The following KDM4C variants were observed in gnomAD, a reference collection of about 807,000 sequenced individuals.
KDM4C encodes the protein lysine-specific demethylase 4C.
Under a neutral mutation model 129.3 loss-of-function variants are expected in KDM4C, and 81 were observed. The ratio of observed to expected loss-of-function variants is 0.63; its 90% CI spans 0.52 to 0.75. The LOEUF (loss-of-function observed/expected upper bound fraction) is 0.75, where lower values mean the gene tolerates loss of function less well. KDM4C is among the 30% of genes least tolerant of loss of function. The probability of loss-of-function intolerance (pLI) is 0.00; values close to 1 mark genes in which losing one functional copy is unlikely to be tolerated. For synonymous variants in KDM4C, 573 were observed against 456.1 expected, an observed-to-expected ratio of 1.26 and a Z score of -3.26; for missense variants, 1,457 against 1,304.0, an observed-to-expected ratio of 1.12 and a Z score of -1.81.
chr9:6,998,247 G>A (rs1195015772), intron 12 of KDM4C, among the ~76,000 whole-genome samples: 1 of 152,116 alleles, frequency 6.6e-6, no homozygotes, highest in Non-Finnish European at 1.5e-5. Context: ...TTCTTGGGAC[G>A]TCTGTATATA....
At chr9:6,865,494 A>G (rs1284977758) in intron 5 of KDM4C, among the ~76,000 whole-genome samples, 1 of 151,936 alleles carries the variant, frequency 6.6e-6, no homozygotes, top group African/African-American at 2.4e-5. Context: ...CCTGTTTGCT[A>G]TTGTTTCTTG....
At chr9:6,851,762 T>C (rs1004730019) in intron 5 of KDM4C, among the ~76,000 whole-genome samples, 1 of 152,220 alleles carries the variant, frequency 6.6e-6, no homozygotes, top group Non-Finnish European at 1.5e-5. Context: ...GTTGATGTTG[T>C]CTCCTAATGA....
chr9:7,121,224 A>C (rs544837942), intron 18 of KDM4C, among the ~76,000 whole-genome samples: 247 of 152,236 alleles, frequency 1.6e-3, no homozygotes, highest in African/African-American at 5.8e-3. Context: ...TTCTGGTCTA[A>C]GCTATGCTGC....
chr9:7,165,447 C>T (rs776024908), intron 20 of KDM4C, 90 bp downstream of exon 20: 32 of 1,428,646 alleles, frequency 2.2e-5, no homozygotes, highest in Non-Finnish European at 3.0e-5. Flanking sequence ...GAACAATAAG[C>T]CACATGAATT....
chr9:6,805,570 G>A, intron 2 of KDM4C, 29 bp from the exon 3 acceptor site: 1 of 1,521,546 alleles, frequency 6.6e-7, no homozygotes, highest in South Asian at 1.2e-5. Context: ...TTTTCAAGAT[G>A]ATATTTTATT....
chr9:7,019,298 A>G lies in KDM4C; in HGVS notation c.2259+3369A>G, dbSNP rs1185958302. 2.0e-5 allele frequency among the ~76,000 whole-genome samples: 3 copies of G among 152,164 alleles called. No individual in the cohort carries two copies. The East Asian group carries it at 5.8e-4, about 29-fold the overall frequency. ...TGACTTCTTCAGCAATCAATCTCAT[A>G]TCTTCAGTTTTACACTCCAGAGGAG... On this transcript the variant is annotated intron_variant, in intron 15 of 21. Coordinates refer to ENST00000381309, the MANE Select transcript of KDM4C (RefSeq NM_015061.6).
At chr9:6,967,770 A>G (rs961101228) in intron 8 of KDM4C, among the ~76,000 whole-genome samples, 2 of 152,198 alleles carry the variant, frequency 1.3e-5, no homozygotes, top group African/African-American at 4.8e-5. Flanking sequence ...AAGATCCGGG[A>G]TGATACACAT....
At chr9:6,913,936 A>C (rs1819811629) in intron 8 of KDM4C, among the ~76,000 whole-genome samples, 1 of 152,238 alleles carries the variant, frequency 6.6e-6, no homozygotes, top group South Asian at 2.1e-4. Flanking sequence ...GCTAACAGTC[A>C]GGGTTTAAGC....
intron 2 of KDM4C, among the ~76,000 whole-genome samples, chr9:6,803,776 C>T (rs1829455369): frequency 6.6e-6 from 1 of 151,378 alleles, no homozygotes; most frequent in African/African-American, 2.4e-5. Context: ...AAGAAAAGTT[C>T]CAGCAATAGA....
At chr9:6,946,441 G>A (rs1279229918) in intron 8 of KDM4C, among the ~76,000 whole-genome samples, 1 of 151,994 alleles carries the variant, frequency 6.6e-6, no homozygotes, top group African/African-American at 2.4e-5. Flanking sequence ...TTCAGTTTTT[G>A]ATTTATTTAA....
At chr9:7,138,150 A>G (rs1841399711) in intron 19 of KDM4C, among the ~76,000 whole-genome samples, 1 of 152,204 alleles carries the variant, frequency 6.6e-6, no homozygotes, top group African/African-American at 2.4e-5. Context: ...GGCAGAGAGA[A>G]TGGAGTGAGT....
chr9:6,732,643 C>T (rs1252692285), intron 1 of KDM4C, among the ~76,000 whole-genome samples: 2 of 152,166 alleles, frequency 1.3e-5, no homozygotes, highest in African/African-American at 4.8e-5. Flanking sequence ...CAGGTATCAA[C>T]CAGAAAGTAC....
At chr9:6,878,146 A>G (rs140515672) in intron 5 of KDM4C, among the ~76,000 whole-genome samples, 33 of 152,300 alleles carry the variant, frequency 2.2e-4, no homozygotes, top group Middle Eastern at 3.4e-3. Context: ...TTACCACAGT[A>G]TGGCTTTCAG....
chr9:6,992,489 T>G (rs1292400219), intron 12 of KDM4C, among the ~76,000 whole-genome samples: 1 of 152,218 alleles, frequency 6.6e-6, no homozygotes. Flanking sequence ...TTTTCAGAAT[T>G]GATTAGAAAA....
chr9:6,830,267 C>T (rs916174580), intron 4 of KDM4C, among the ~76,000 whole-genome samples: 6 of 152,176 alleles, frequency 3.9e-5, no homozygotes, highest in Non-Finnish European at 8.8e-5. Context: ...TTTTGGAATG[C>T]CCACTCTGGA....
chr9:6,745,128 G>A (rs1817833274), intron 1 of KDM4C, among the ~76,000 whole-genome samples: 1 of 152,162 alleles, frequency 6.6e-6, no homozygotes, highest in African/African-American at 2.4e-5. Flanking sequence ...TCCCAAGGAA[G>A]GAGAGGCCTT....
At chr9:6,811,386 C>T (rs1831118180) in intron 3 of KDM4C, among the ~76,000 whole-genome samples, 3 of 152,198 alleles carry the variant, frequency 2.0e-5, no homozygotes, top group Middle Eastern at 3.4e-3. Flanking sequence ...AACTCCTGAC[C>T]TCTGATCCGC....
intron 8 of KDM4C, among the ~76,000 whole-genome samples, chr9:6,938,936 A>G (rs1050983269): frequency 2.6e-5 from 4 of 152,080 alleles, no homozygotes; most frequent in African/African-American, 9.7e-5. Context: ...ACTCAAAGCA[A>G]CATTGTATTA....
intron 20 of KDM4C, 22 bp downstream of exon 20, chr9:7,165,379 A>G (rs1465793884): frequency 6.2e-7 from 1 of 1,611,536 alleles, no homozygotes. Flanking sequence ...CTTCTCTGTG[A>G]TGCTTGCTAA....
Sources: allele counts gnomAD v4.1 joint callset (sites outside exome capture counted in the v4.1 genomes callset), GRCh38; gene constraint gnomAD v4.1.1; transcripts MANE v1.5; gene names NCBI Gene and HGNC (gene_info 2026-07-23, HGNC 2026-07-21).